Variants in GPHN observed in about 807,000 individuals in gnomAD.
GPHN encodes the protein gephyrin.
Under a neutral mutation model 95.5 loss-of-function variants are expected in GPHN, and 17 were observed. The ratio of observed to expected loss-of-function variants is 0.18; its 90% confidence interval spans 0.12 to 0.27. GPHN has a LOEUF of 0.27. Among genes scored for constraint, GPHN ranks in the 10% least tolerant of loss-of-function variants. The pLI, the probability that GPHN is intolerant of heterozygous loss-of-function variation, is 1.00. For missense variants in GPHN, 660 were observed against 978.1 expected (o/e 0.67, Z 4.34); for synonymous variants, 320 against 322.5 (o/e 0.99, Z 0.08).
the GPHN span, chr14:67,412,221 C>T: frequency 1.9e-6 from 1 of 514,736 alleles, no homozygotes; most frequent in Admixed American, 4.4e-5. Flanking sequence ...CCTGAGGCCC[C>T]GGGGCAGGAA....
At chr14:67,392,458 T>C in the GPHN span, 7 of 1,519,708 alleles carry the variant, frequency 4.6e-6, no homozygotes, top group African/African-American at 8.2e-5. Flanking sequence ...AGGACTCTGC[T>C]ACAGAAAAGA....
chr14:67,659,999 A>G, the GPHN span: 1 of 1,367,996 alleles, frequency 7.3e-7, no homozygotes, highest in Non-Finnish European at 1.0e-6. Context: ...GTTTGGACTA[A>G]TCAAACTACT....
rs113031087 is a variant in GPHN, at chr14:66,967,885, C to A, written c.963+2560C>A. On this transcript the variant is annotated intron_variant, in intron 9 of 22. Coordinates refer to ENST00000478722, the MANE Select transcript of GPHN (RefSeq NM_020806.5). Reference sequence around the variant, plus strand: ...AGAATGAATGAAAACCAAATGTGAGCTTTTGTGCTATGTGGAGGTTTTAGG... The same window carrying A: ...AGAATGAATGAAAACCAAATGTGAGATTTTGTGCTATGTGGAGGTTTTAGG... Among the ~76,000 whole-genome samples, 469 of 151,784 alleles carry A rather than the reference C, an allele frequency of 3.1e-3. 10 individuals carry two copies. Among genetic ancestry groups the A allele is most frequent in the African/African-American group, 0.011 (444 of 41,468 alleles).
chr14:67,184,535 A>G (rs942133162), downstream of GPHN, among the ~76,000 whole-genome samples: 1 of 152,204 alleles, frequency 6.6e-6, no homozygotes, highest in Non-Finnish European at 1.5e-5. Flanking sequence ...TCTGATTTCA[A>G]GTTTTGGAAA....
chr14:66,670,558 C>G (rs1015141453), intron 1 of GPHN, among the ~76,000 whole-genome samples: 1 of 151,998 alleles, frequency 6.6e-6, no homozygotes, highest in Non-Finnish European at 1.5e-5. Flanking sequence ...TTTGGGAGGC[C>G]GAGGTGGGTG....
rs796613828 is a variant in GPHN at position 66,678,780 on chromosome 14, T to C, written c.65-2327T>C. 1.6e-4 allele frequency among the ~76,000 whole-genome samples: 25 copies of C among 152,326 alleles called. 1 individual carries two copies. Among genetic ancestry groups the C allele is most frequent in the African/African-American group, 6.0e-4 (25 of 41,592 alleles). On this transcript the variant is annotated intron_variant, in intron 1 of 22. Coordinates refer to ENST00000478722, the MANE Select transcript of GPHN (RefSeq NM_020806.5). ...ATAGTGTCATTTGGGTAGAGTGTTTTGGCTTTGGTTCAGGTGGTTGCATTA... is the reference window on the plus strand; with the variant it reads ...ATAGTGTCATTTGGGTAGAGTGTTTCGGCTTTGGTTCAGGTGGTTGCATTA...
the GPHN span, chr14:67,662,634 G>C: frequency 9.3e-7 from 1 of 1,077,278 alleles, no homozygotes; most frequent in Non-Finnish European, 1.3e-6. Flanking sequence ...GGCAGGGCCT[G>C]GTGGCTCATG....
the GPHN span, chr14:67,359,960 G>A: frequency 3.6e-6 from 2 of 550,768 alleles, no homozygotes; most frequent in South Asian, 2.3e-5. Flanking sequence ...ATTCCGGTTC[G>A]CCTCCCAACC....
At chr14:66,953,313 A>G (rs1321619480) in intron 8 of GPHN, among the ~76,000 whole-genome samples, 1 of 151,680 alleles carries the variant, frequency 6.6e-6, no homozygotes, top group Non-Finnish European at 1.5e-5. Flanking sequence ...CCTTTGCACA[A>G]AAGTTTTTAA....
intron 3 of GPHN, among the ~76,000 whole-genome samples, chr14:66,778,104 C>T (rs369113727): frequency 0.011 from 1,701 of 152,034 alleles, 17 homozygotes; most frequent in Non-Finnish European, 0.017. Context: ...TCTCCTTAAG[C>T]TGATAAGCAA....
At chr14:67,103,404 A>AT (rs2077837834) in intron 13 of GPHN, among the ~76,000 whole-genome samples, 2 of 149,066 alleles carry the variant, frequency 1.3e-5, no homozygotes, top group Admixed American at 1.3e-4. Flanking sequence ...TGTCATTGGT[A>AT]TTTTTATAGG....
the GPHN span, among the ~76,000 whole-genome samples, chr14:67,251,149 T>C: frequency 2.0e-5 from 3 of 152,254 alleles, no homozygotes; most frequent in African/African-American, 7.2e-5. Context: ...GTCTGTAATA[T>C]AGCCTGCCTT....
At chr14:66,760,878 C>T (rs188814324) in intron 2 of GPHN, 22 of 877,812 alleles carry the variant, frequency 2.5e-5, no homozygotes, top group South Asian at 1.3e-4. Flanking sequence ...AGAAAAAGAG[C>T]GACAGAAAGT....
intron 2 of GPHN, among the ~76,000 whole-genome samples, chr14:66,723,708 G>T (rs2070966882): frequency 6.6e-6 from 1 of 152,040 alleles, no homozygotes; most frequent in Non-Finnish European, 1.5e-5. Flanking sequence ...AACCTAAGTG[G>T]AAAACAATTA....
the GPHN span, among the ~76,000 whole-genome samples, chr14:67,243,637 T>C: frequency 0.21 from 31,765 of 151,254 alleles, 5,033 homozygotes; most frequent in East Asian, 0.45. Flanking sequence ...GGACTACAGG[T>C]GCCCGCCACC....
At chr14:66,615,257 T>G (rs2062957764) in intron 1 of GPHN, among the ~76,000 whole-genome samples, 1 of 152,204 alleles carries the variant, frequency 6.6e-6, no homozygotes, top group Non-Finnish European at 1.5e-5. Flanking sequence ...AAATGGTATT[T>G]CTGGTTCTAG....
At chr14:66,766,864 C>T (rs1451737974) in intron 2 of GPHN, among the ~76,000 whole-genome samples, 1 of 152,032 alleles carries the variant, frequency 6.6e-6, no homozygotes, top group Non-Finnish European at 1.5e-5. Flanking sequence ...AATCTTGCCT[C>T]TGCTTCCAGT....
the GPHN span, among the ~76,000 whole-genome samples, chr14:67,266,549 C>T: frequency 6.6e-6 from 1 of 152,040 alleles, no homozygotes; most frequent in African/African-American, 2.4e-5. Flanking sequence ...TGGTCTCAAA[C>T]TGCTGACCTC....
Position 66,933,344 on chromosome 14 carries a change from T to A in GPHN, c.828+9052T>A, listed in dbSNP as rs532232987. On this transcript the variant is annotated intron_variant, in intron 8 of 22. Coordinates refer to ENST00000478722, the MANE Select transcript of GPHN (RefSeq NM_020806.5). ...GTCCCACTGGTTCTGAATGACCTGG[T>A]GTGTTGTCAGTGTGTCAGAAGACCT... Among the ~76,000 whole-genome samples the A allele has an allele frequency of 1.0e-3, 153 of 152,338 alleles. 4 individuals are homozygous for A. The South Asian group carries it at 0.031, about 31-fold the overall frequency.
Sources: gnomAD v4.1 joint callset for allele counts (sites outside exome capture counted in the v4.1 genomes callset) on GRCh38, gnomAD v4.1.1 for gene constraint, MANE v1.5 for transcripts, NCBI Gene and HGNC (gene_info 2026-07-23, HGNC 2026-07-21) for gene names.